Variants in ATP8A2 observed in about 807,000 individuals in gnomAD.
ATP8A2 encodes the protein phospholipid-transporting ATPase IB.
Under a neutral mutation model 165.6 loss-of-function variants are expected in ATP8A2, and 100 were observed. That is an observed-to-expected ratio of 0.60 (90% CI 0.51 to 0.71). ATP8A2 has a LOEUF of 0.71. Among genes scored for constraint, ATP8A2 ranks in the 30% least tolerant of loss-of-function variants. The pLI is 0.00. For synonymous variants in ATP8A2, 543 were observed against 548.8 expected (o/e 0.99, Z 0.15); for missense variants, 1,227 against 1,479.5 (o/e 0.83, Z 2.80).
intron 30 of ATP8A2, among the ~76,000 whole-genome samples, chr13:25,853,889 G>T (rs1187246922): frequency 2.6e-5 from 4 of 152,218 alleles, no homozygotes; most frequent in African/African-American, 9.6e-5. Flanking sequence ...TTCCCTATCT[G>T]ATAGGAGCCT....
At chr13:25,610,407 C>T (rs1023695773) in intron 24 of ATP8A2, among the ~76,000 whole-genome samples, 5 of 151,960 alleles carry the variant, frequency 3.3e-5, no homozygotes, top group African/African-American at 7.2e-5. Flanking sequence ...TTTGCTTTGT[C>T]GAGGATCAGT....
chr13:25,764,874 G>A (rs562675378), intron 25 of ATP8A2, among the ~76,000 whole-genome samples: 33 of 152,186 alleles, frequency 2.2e-4, no homozygotes, highest in Non-Finnish European at 4.0e-4. Flanking sequence ...CTACAATCGA[G>A]ATCCAGCCCC....
At chr13:25,562,117 A>G (rs1360042506) in intron 15 of ATP8A2, among the ~76,000 whole-genome samples, 2 of 151,840 alleles carry the variant, frequency 1.3e-5, no homozygotes, top group Non-Finnish European at 2.9e-5. Context: ...TCCGCTTTCC[A>G]TTCTTGGGGG....
intron 30 of ATP8A2, among the ~76,000 whole-genome samples, chr13:25,857,442 A>C (rs934766605): frequency 2.0e-5 from 3 of 152,022 alleles, no homozygotes; most frequent in Non-Finnish European, 4.4e-5. Context: ...TGTTGCAGTC[A>C]TGGCTCACTG....
intron 35 of ATP8A2, among the ~76,000 whole-genome samples, chr13:25,984,065 C>T (rs570232297): frequency 6.6e-6 from 1 of 151,792 alleles, no homozygotes; most frequent in African/African-American, 2.4e-5. Context: ...AGACCCCCGT[C>T]ACTACAAAAG....
chr13:25,398,673 A>G (rs1924775), intron 1 of ATP8A2, among the ~76,000 whole-genome samples: 127,714 of 152,130 alleles, frequency 0.84, 53,793 homozygotes, highest in East Asian at 0.96. Flanking sequence ...TGGAAACACA[A>G]ATTTGAATGA....
At chr13:25,914,082 T>C (rs1954199556) in intron 33 of ATP8A2, among the ~76,000 whole-genome samples, 1 of 152,226 alleles carries the variant, frequency 6.6e-6, no homozygotes, top group Non-Finnish European at 1.5e-5. Flanking sequence ...CTACCTCTGC[T>C]TCCTGAAACT....
intron 1 of ATP8A2, among the ~76,000 whole-genome samples, chr13:25,399,394 C>CTTTT (rs2033542954): frequency 1.4e-4 from 3 of 21,250 alleles, no homozygotes; most frequent in Non-Finnish European, 3.8e-4. Context: ...CTTAGTGGTT[C>CTTTT]TTCTTTTTTT....
chr13:25,929,185 C>T (rs1332017212), intron 33 of ATP8A2, among the ~76,000 whole-genome samples: 5 of 152,156 alleles, frequency 3.3e-5, no homozygotes, highest in South Asian at 4.1e-4. Flanking sequence ...CGTAAATGTG[C>T]GTGACCATGT....
intron 25 of ATP8A2, among the ~76,000 whole-genome samples, chr13:25,733,776 A>G (rs2043707020): frequency 6.6e-6 from 1 of 152,202 alleles, no homozygotes; most frequent in Non-Finnish European, 1.5e-5. Flanking sequence ...TTGAGAATTC[A>G]TCAGTTCCAT....
intron 36 of ATP8A2, among the ~76,000 whole-genome samples, chr13:26,016,103 A>G (rs1162849516): frequency 1.3e-5 from 2 of 152,214 alleles, no homozygotes; most frequent in Admixed American, 6.5e-5. Context: ...TTATCTGAAC[A>G]TGGGAGGACT....
At chr13:25,854,246 C>T (rs1033539660) in intron 30 of ATP8A2, among the ~76,000 whole-genome samples, 2 of 152,168 alleles carry the variant, frequency 1.3e-5, no homozygotes, top group Non-Finnish European at 2.9e-5. Flanking sequence ...TCCCAAACAC[C>T]GCTGTTTATC....
intron 23 of ATP8A2, among the ~76,000 whole-genome samples, chr13:25,582,602 G>A (rs1273444540): frequency 1.3e-5 from 2 of 152,158 alleles, no homozygotes; most frequent in Admixed American, 1.3e-4. Flanking sequence ...GTGCATATGT[G>A]GTAAAATGAA....
chr13:25,631,720 G>A (rs1347389007), intron 24 of ATP8A2, among the ~76,000 whole-genome samples: 1 of 151,838 alleles, frequency 6.6e-6, no homozygotes, highest in African/African-American at 2.4e-5. Context: ...GTTTTGCAGG[G>A]GTATTTTCAA....
chr13:25,517,965 G>A (rs558534952), intron 2 of ATP8A2, among the ~76,000 whole-genome samples: 1 of 152,174 alleles, frequency 6.6e-6, no homozygotes, highest in East Asian at 1.9e-4. Context: ...TGGGAGGGAT[G>A]GTGGCAAAGC....
At chr13:25,396,088 C>A (rs939784974) in intron 1 of ATP8A2, among the ~76,000 whole-genome samples, 1 of 152,148 alleles carries the variant, frequency 6.6e-6, no homozygotes, top group African/African-American at 2.4e-5. Flanking sequence ...GTGGTCTGCC[C>A]GCCTTGGCCT....
chr13:25,557,930 T>C (rs970071413), intron 13 of ATP8A2, among the ~76,000 whole-genome samples: 2 of 152,028 alleles, frequency 1.3e-5, no homozygotes, highest in Non-Finnish European at 2.9e-5. Flanking sequence ...TGAGATGAAG[T>C]TTCACTCTTG....
At position 26,024,118 on chromosome 13, in the gene ATP8A2, C is replaced by G. The variant is rs1342789731; in HGVS notation, c.*4133C>G. 6.6e-6 allele frequency: 1 copy of G among 152,136 alleles called. No homozygotes were observed. The highest frequency in any genetic ancestry group is 1.5e-5 in the Non-Finnish European group (1 of 68,040). The allele number at this position is 152,136 out of a possible 1,614,324, so 9.4% of individuals were successfully genotyped here. A position where few individuals can be genotyped will look rare whatever the true frequency, so the allele number is the denominator to read the frequency against. On this transcript the variant is annotated 3_prime_UTR_variant, in exon 37 of 37. Coordinates refer to ENST00000381655, the MANE Select transcript of ATP8A2 (RefSeq NM_016529.6). ...GTTTTGGTTCTTCATTGGCTCAAGGCAGTTAACTGTCTCAGTATAGCCTTC... is the reference window on the plus strand; with the variant it reads ...GTTTTGGTTCTTCATTGGCTCAAGGGAGTTAACTGTCTCAGTATAGCCTTC...
chr13:25,915,582 G>A (rs1430209599), intron 33 of ATP8A2, among the ~76,000 whole-genome samples: 2 of 152,220 alleles, frequency 1.3e-5, no homozygotes, highest in Non-Finnish European at 2.9e-5. Flanking sequence ...AGGGGGAGAA[G>A]TCCTGGCTTC....
Sources: gnomAD v4.1 joint callset for allele counts (sites outside exome capture counted in the v4.1 genomes callset) on GRCh38, gnomAD v4.1.1 for gene constraint, MANE v1.5 for transcripts, NCBI Gene and HGNC (gene_info 2026-07-23, HGNC 2026-07-21) for gene names.